WDR27: variants seen among roughly 807,000 people sequenced by gnomAD.
WDR27 encodes WD repeat-containing protein 27.
In WDR27, 100 loss-of-function variants were observed where a neutral mutation model predicts 114.4. The observed-to-expected ratio is 0.87, with a 90% CI of 0.74 to 1.03. The LOEUF (loss-of-function observed/expected upper bound fraction) is 1.03. WDR27 is among the 50% of genes least tolerant of loss of function. The probability of loss-of-function intolerance (pLI) is 0.00; values close to 1 mark genes in which losing one functional copy is unlikely to be tolerated. For synonymous variants in WDR27, 449 were observed against 423.1 expected (o/e 1.06, Z -0.75); for missense variants, 1,129 against 1,092.9 (o/e 1.03, Z -0.47).
At chr6:169,554,828 T>C (rs1045906435) in intron 25 of WDR27, among the ~76,000 whole-genome samples, 8 of 152,248 alleles carry the variant, frequency 5.3e-5, no homozygotes, top group Non-Finnish European at 1.2e-4. Flanking sequence ...TGGTGATTTA[T>C]CATTTTAAAT....
chr6:169,697,126 T>C (rs1786318501), intron 1 of WDR27, among the ~76,000 whole-genome samples: 1 of 152,198 alleles, frequency 6.6e-6, no homozygotes, highest in African/African-American at 2.4e-5. Flanking sequence ...TACATATGAA[T>C]ATCATTAATC....
intron 21 of WDR27, among the ~76,000 whole-genome samples, chr6:169,630,557 C>G (rs9383508): frequency 0.13 from 19,040 of 152,212 alleles, 2,335 homozygotes; most frequent in East Asian, 0.61. Context: ...ATCAATATCT[C>G]ATTAAGCTGC....
chr6:169,551,436 T>C (rs1001561587), intron 25 of WDR27, among the ~76,000 whole-genome samples: 4 of 152,168 alleles, frequency 2.6e-5, no homozygotes, highest in Non-Finnish European at 5.9e-5. Context: ...CTCTAGTTTT[T>C]TCTCAACATA....
intron 25 of WDR27, among the ~76,000 whole-genome samples, chr6:169,506,955 T>C (rs1247989008): frequency 1.3e-5 from 2 of 152,272 alleles, no homozygotes; most frequent in African/African-American, 4.8e-5. Flanking sequence ...TTATGTAGCA[T>C]ATTAACTGCA....
intron 24 of WDR27, among the ~76,000 whole-genome samples, chr6:169,577,161 G>A (rs1021207894): frequency 1.3e-5 from 2 of 152,006 alleles, no homozygotes; most frequent in African/African-American, 4.8e-5. Flanking sequence ...CTGCGCCCAC[G>A]GAAAGACGCA....
intron 25 of WDR27, among the ~76,000 whole-genome samples, chr6:169,512,139 AT>A (rs1387159352): frequency 1.1e-4 from 17 of 152,270 alleles, no homozygotes; most frequent in Non-Finnish European, 2.4e-4. Flanking sequence ...GACAAAATAT[AT>A]TTTTTAGATT....
intron 17 of WDR27, among the ~76,000 whole-genome samples, chr6:169,640,413 G>A (rs1043081468): frequency 9.2e-5 from 14 of 152,234 alleles, no homozygotes; most frequent in Admixed American, 8.5e-4. Flanking sequence ...AATTCACAGC[G>A]CAGAAAAACG....
At chr6:169,496,108 C>G in intron 25 of WDR27, among the ~76,000 whole-genome samples, 1 of 151,896 alleles carries the variant, frequency 6.6e-6, no homozygotes, top group East Asian at 1.9e-4. Flanking sequence ...AAGGATGGTT[C>G]AAAATACAAA....
chr6:169,591,283 T>C (rs1805698882), intron 23 of WDR27, among the ~76,000 whole-genome samples: 2 of 152,202 alleles, frequency 1.3e-5, no homozygotes, highest in African/African-American at 2.4e-5. Context: ...ATGTCTATTA[T>C]TCAAGCTTCC....
At chr6:169,590,581 C>T (rs1408565974) in intron 23 of WDR27, among the ~76,000 whole-genome samples, 1 of 152,388 alleles carries the variant, frequency 6.6e-6, no homozygotes, top group South Asian at 2.1e-4. Context: ...TGGCCGCCCG[C>T]CACACCAGCC....
At chr6:169,667,268 C>A in intron 5 of WDR27, 81 bp from the exon 6 acceptor site, 1 of 1,338,958 alleles carries the variant, frequency 7.5e-7, no homozygotes, top group Non-Finnish European at 9.6e-7. Flanking sequence ...GTACTATTCA[C>A]TATCAGATTA....
intron 21 of WDR27, among the ~76,000 whole-genome samples, chr6:169,629,175 A>G (rs2128211049): frequency 6.6e-6 from 1 of 152,384 alleles, no homozygotes; most frequent in East Asian, 1.9e-4. Flanking sequence ...GGTTAGCTAA[A>G]GTTAAAAGAA....
intron 25 of WDR27, among the ~76,000 whole-genome samples, chr6:169,483,324 AATG>A (rs1280560392): frequency 1.8e-4 from 27 of 152,214 alleles, no homozygotes; most frequent in Non-Finnish European, 3.1e-4. Flanking sequence ...CACAATTAGA[AATG>A]ATAAGTTGGA....
chr6:169,665,690 T>A, intron 6 of WDR27, 134 bp from the exon 7 acceptor site: 2 of 856,786 alleles, frequency 2.3e-6, no homozygotes, highest in Non-Finnish European at 1.7e-6. Flanking sequence ...TTTGAACTAT[T>A]CCAAAATAAT....
intron 25 of WDR27, among the ~76,000 whole-genome samples, chr6:169,546,738 A>G (rs1797500091): frequency 6.6e-6 from 1 of 152,158 alleles, no homozygotes; most frequent in South Asian, 2.1e-4. Context: ...AATGAGAATA[A>G]TTTTATGAAA....
chr6:169,648,010 T>C, intron 15 of WDR27, 140 bp from the exon 16 acceptor site: 1 of 595,762 alleles, frequency 1.7e-6, no homozygotes, highest in East Asian at 3.1e-5. Context: ...TTTATCTATA[T>C]GTCTATATTT....
At chr6:169,456,253 C>T (rs1010177348), downstream of WDR27, among the ~76,000 whole-genome samples, 1 of 152,106 alleles carries the variant, frequency 6.6e-6, no homozygotes, top group Admixed American at 6.6e-5. The surrounding 1 kb of genome is among the most constrained non-coding windows in gnomAD (Gnocchi z 4.0). Context: ...AATGCAGGCA[C>T]ATTTATGGTC....
chr6:169,665,536 A>G lies in WDR27; in HGVS notation c.733T>C (p.Phe245Leu). ...VLSAYPLLSLFIDAESRQLVT... is the reference protein window; with the variant it reads ...VLSAYPLLSLLIDAESRQLVT... Reference sequence around the variant, plus strand: ...AGCTGCCTGCTTTCTGCATCAATGAATAAACTGAGAAGAGGATATGCTGGT... The same window carrying G: ...AGCTGCCTGCTTTCTGCATCAATGAGTAAACTGAGAAGAGGATATGCTGGT... The change falls in exon 7 of 26, where the codon TTC (phenylalanine) becomes CTC (leucine). Residue 245 changes from phenylalanine (F) to leucine (L), a missense_variant. Transcript: ENST00000448612. 1 of 1,613,854 alleles carries G rather than the reference A, an allele frequency of 6.2e-7. No homozygotes were observed. Among genetic ancestry groups the G allele is most frequent in the Non-Finnish European group, 8.5e-7 (1 of 1,179,792 alleles).
chr6:169,552,825 ACTCT>A (rs896158109), intron 25 of WDR27, among the ~76,000 whole-genome samples: 2 of 152,072 alleles, frequency 1.3e-5, no homozygotes, highest in Non-Finnish European at 2.9e-5. Context: ...GTTTTAAAAG[ACTCT>A]CTCTCAGTTG....
Sources: allele counts gnomAD v4.1 joint callset (sites outside exome capture counted in the v4.1 genomes callset), GRCh38; gene constraint gnomAD v4.1.1; non-coding constraint Gnocchi (gnomAD v3.1); transcripts MANE v1.5; gene names NCBI Gene and HGNC (gene_info 2026-07-23, HGNC 2026-07-21).